CD109: variants seen among roughly 807,000 people sequenced by gnomAD.
The protein encoded by CD109 is CD109 molecule, also known as CD109 antigen.
Under a neutral mutation model 165.8 loss-of-function variants are expected in CD109, and 149 were observed. That is an observed-to-expected ratio of 0.90 (90% CI 0.79 to 1.03). The LOEUF (loss-of-function observed/expected upper bound fraction) is 1.03. Ranked by LOEUF, CD109 falls within the 50% of genes least tolerant of loss-of-function variation. The probability of loss-of-function intolerance (pLI) is 0.00; values close to 1 mark genes in which losing one functional copy is unlikely to be tolerated. For synonymous variants in CD109, 585 were observed against 592.1 expected, an observed-to-expected ratio of 0.99 and a Z score of 0.18; for missense variants, 1,712 against 1,677.8, an observed-to-expected ratio of 1.02 and a Z score of -0.36.
intron 3 of CD109, among the ~76,000 whole-genome samples, chr6:73,725,756 G>T (rs1180286805): frequency 6.6e-6 from 1 of 151,876 alleles, no homozygotes; most frequent in African/African-American, 2.4e-5. Flanking sequence ...CAAGTAATCC[G>T]CCTGCCTCGG....
intron 28 of CD109, 114 bp from the exon 29 acceptor site, chr6:73,812,091 G>C: frequency 1.5e-6 from 1 of 645,764 alleles, no homozygotes; most frequent in Non-Finnish European, 2.8e-6. Context: ...AGCTCTTAGT[G>C]CTGTCAGTGA....
At chr6:73,695,725 G>C (rs1484907233), upstream of CD109, 1 of 170,354 alleles carries the variant, frequency 5.9e-6, no homozygotes, top group Non-Finnish European at 1.2e-5. Context: ...TGTGTGTGCC[G>C]TTTCTCTAAA....
chr6:73,680,542 A>T, the CD109 span, among the ~76,000 whole-genome samples: 1 of 152,166 alleles, frequency 6.6e-6, no homozygotes, highest in Non-Finnish European at 1.5e-5. Flanking sequence ...GAGCAGTGAA[A>T]GGGCAGTGGC....
At chr6:73,785,540 G>A (rs1774655421) in intron 20 of CD109, 63 bp downstream of exon 20, 2 of 888,528 alleles carry the variant, frequency 2.3e-6, no homozygotes, top group Non-Finnish European at 3.5e-6. Context: ...TAGCATGAAG[G>A]GATTGGGTTG....
At chr6:73,743,172 T>C (rs1251472096) in intron 5 of CD109, among the ~76,000 whole-genome samples, 1 of 152,216 alleles carries the variant, frequency 6.6e-6, no homozygotes, top group Admixed American at 6.5e-5. Flanking sequence ...TCTGGGACAA[T>C]GTATATCCTT....
Position 73,782,687 on chromosome 6 carries a change from T to C in CD109, c.2037T>C (p.Ser679=), listed in dbSNP as rs1333218107. ...EGHIVDIHDF[S]LGSSPHVRKH... is the part of the protein sequence containing the mutation. ...ATATTGTAGATATTCATGACTTTTC[T>C]TTGGGTAGCAGTCCACATGTCCGAA... The change falls in exon 18 of 33, where the codon TCT becomes TCC. Residue 679 remains serine (S), a synonymous_variant. Transcript: ENST00000287097. 5 of 1,613,918 alleles carry C rather than the reference T, an allele frequency of 3.1e-6. No individual in the cohort carries two copies. The highest frequency in any genetic ancestry group is 4.2e-6 in the Non-Finnish European group (5 of 1,179,918).
At chr6:73,774,804 A>G (rs547380753) in intron 15 of CD109, among the ~76,000 whole-genome samples, 1 of 152,212 alleles carries the variant, frequency 6.6e-6, no homozygotes, top group Admixed American at 6.5e-5. Context: ...TTCTCCCAAG[A>G]CCAATTCAAG....
At position 73,826,680 on chromosome 6, in the gene CD109, T is replaced by C. The variant is rs1776286885; in HGVS notation, c.*3047T>C. 6.6e-6 allele frequency: 1 copy of C among 152,210 alleles called. No individual in the cohort carries two copies. The highest frequency in any genetic ancestry group is 2.1e-4 in the South Asian group (1 of 4,836). 9.4% of individuals were successfully genotyped at this position (152,210 alleles called of 1,614,324 possible). A position where few individuals can be genotyped will look rare whatever the true frequency, so the allele number is the denominator to read the frequency against. ...AAAATAGTATCTTTGGTTTAGTATT[T>C]TGGATTATATATTATAATCTGAGGA... On this transcript the variant is annotated 3_prime_UTR_variant, in exon 33 of 33. Transcript: ENST00000287097.
rs1434825790 is a variant in CD109, at chr6:73,762,405, G to T, written c.780G>T (p.Val260=). ...TCAGGTATACATATGGGAAGCCAGT[G>T]AAAGGAGACGTAACGCTTACATTTT... ...ITAKYTYGKP[V]KGDVTLTFLP... is the part of the protein sequence containing the mutation. Residue 260 remains valine (V), a synonymous_variant, in exon 8 of 33, where the codon GTG becomes GTT. Transcript: ENST00000287097. 1 of 1,609,504 alleles carries T rather than the reference G, an allele frequency of 6.2e-7. No individual in the cohort carries two copies. The highest frequency in any genetic ancestry group is 1.7e-4 in the Middle Eastern group (1 of 6,048).
intron 14 of CD109, among the ~76,000 whole-genome samples, chr6:73,770,049 G>C (rs1355244066): frequency 6.6e-6 from 1 of 152,188 alleles, no homozygotes; most frequent in Admixed American, 6.5e-5. Flanking sequence ...ATTGTTGGGA[G>C]GTTGGTCAAT....
At chr6:73,762,956 A>G in intron 9 of CD109, 74 bp downstream of exon 9, 1 of 1,315,396 alleles carries the variant, frequency 7.6e-7, no homozygotes, top group South Asian at 1.5e-5. Context: ...TATAACTGGC[A>G]CTTTCATTTG....
chr6:73,768,556 G>T (rs1482091306), intron 14 of CD109, among the ~76,000 whole-genome samples: 4 of 152,142 alleles, frequency 2.6e-5, no homozygotes, highest in Admixed American at 2.6e-4. Flanking sequence ...CATAGAATTC[G>T]TGTGGTGTTG....
intron 5 of CD109, among the ~76,000 whole-genome samples, chr6:73,745,854 G>A (rs1480913729): frequency 6.6e-6 from 1 of 152,058 alleles, no homozygotes; most frequent in Non-Finnish European, 1.5e-5. Context: ...TCAGCCTCCC[G>A]AGTAACTGGG....
intron 23 of CD109, among the ~76,000 whole-genome samples, chr6:73,802,645 A>G (rs1387965884): frequency 2.7e-5 from 4 of 150,910 alleles, no homozygotes; most frequent in African/African-American, 9.7e-5. Context: ...TAGAAGCATC[A>G]TCTATGCCAT....
chr6:73,805,641 G>C (rs1359251383), intron 24 of CD109, among the ~76,000 whole-genome samples: 1 of 152,172 alleles, frequency 6.6e-6, no homozygotes, highest in Non-Finnish European at 1.5e-5. Context: ...ACTATCACAT[G>C]GGGAGAAACC....
At chr6:73,746,814 C>G (rs562048122) in intron 5 of CD109, among the ~76,000 whole-genome samples, 1 of 152,076 alleles carries the variant, frequency 6.6e-6, no homozygotes, top group Non-Finnish European at 1.5e-5. Context: ...AGGTATAGAC[C>G]AGCTTCAGTT....
At chr6:73,696,431 T>G (rs1319274410) in intron 1 of CD109, 142 bp downstream of exon 1, 7 of 620,706 alleles carry the variant, frequency 1.1e-5, no homozygotes, top group Non-Finnish European at 1.2e-5. Context: ...CCCAGCCTGG[T>G]ACTGGCCTGG....
chr6:73,759,744 C>T (rs1773537431), intron 7 of CD109, among the ~76,000 whole-genome samples: 2 of 152,076 alleles, frequency 1.3e-5, no homozygotes, highest in African/African-American at 4.8e-5. Context: ...TCCTGGCATT[C>T]TAGTTTTGCT....
chr6:73,794,244 G>T (rs967613961), intron 23 of CD109, among the ~76,000 whole-genome samples: 1 of 152,182 alleles, frequency 6.6e-6, no homozygotes, highest in Non-Finnish European at 1.5e-5. Context: ...AGAGGTTAAA[G>T]AATTTACCCA....
Sources: gnomAD v4.1 joint callset for allele counts (sites outside exome capture counted in the v4.1 genomes callset) on GRCh38, gnomAD v4.1.1 for gene constraint, MANE v1.5 for transcripts, NCBI Gene and HGNC (gene_info 2026-07-23, HGNC 2026-07-21) for gene names.